Variants in DNAH1 observed in about 807,000 individuals in gnomAD.
The protein encoded by DNAH1 is axonemal beta dynein heavy chain 1.
In DNAH1, 327 loss-of-function variants were observed where a neutral mutation model predicts 484.3. The observed-to-expected ratio is 0.68, with a 90% CI of 0.62 to 0.74. DNAH1 has a LOEUF of 0.74. Ranked by LOEUF, DNAH1 falls within the 30% of genes least tolerant of loss-of-function variation. DNAH1 has a pLI of 0.00. For missense variants in DNAH1, 5,052 were observed against 5,546.8 expected, an observed-to-expected ratio of 0.91 and a Z score of 2.83; for synonymous variants, 2,192 against 2,191.9, an observed-to-expected ratio of 1.00 and a Z score of 0.00.
At chr3:52,335,265 C>T (rs1701700323) in intron 8 of DNAH1, among the ~76,000 whole-genome samples, 2 of 143,070 alleles carry the variant, frequency 1.4e-5, no homozygotes, top group South Asian at 4.5e-4. Context: ...CCATGTTCGC[C>T]AGGATGGTCT....
Position 52,354,849 on chromosome 3 carries a change from G to A in DNAH1, c.3487G>A (p.Asp1163Asn), listed in dbSNP as rs1702541634. 6.2e-7 allele frequency: 1 copy of A among 1,613,486 alleles called. No homozygotes were observed. The highest frequency in any genetic ancestry group is 2.2e-5 in the East Asian group (1 of 44,866). Residue 1163 changes from aspartate (D) to asparagine (N), a missense_variant, in exon 21 of 78, where the codon GAC (aspartate) becomes AAC (asparagine). Physicochemically the swap from Asp to Asn is conservative, Grantham distance 23. Transcript: ENST00000420323. ...GKEYAIEQAL[D>N]KMEKEWSTIL... ...GGCTTGTCCCCGACCCCAGGCACTGGACAAGATGGAGAAGGAGTGGTCGAC... is the reference window on the plus strand; with the variant it reads ...GGCTTGTCCCCGACCCCAGGCACTGAACAAGATGGAGAAGGAGTGGTCGAC...
Position 52,381,895 on chromosome 3 carries a change from CT to C in DNAH1, c.7805+60del, listed in dbSNP as rs575956044. 2.1e-4 allele frequency: 312 copies of C among 1,508,742 alleles called. 4 individuals are homozygous for C. The South Asian group carries it at 3.7e-3, about 18-fold the overall frequency. 93.5% of individuals were successfully genotyped at this position (1,508,742 alleles called of 1,614,324 possible). A position where few individuals can be genotyped will look rare whatever the true frequency, so the allele number is the denominator to read the frequency against. The stretch of plus-strand genomic sequence containing the variant: ...GGCCAGGGCTGGCTGGTCGGTTTGA[CT>C]GACCCATGCTTTTGCACAGTGGTAG... On this transcript the variant is annotated intron_variant, in intron 49 of 77. Coordinates refer to ENST00000420323, the MANE Select transcript of DNAH1 (RefSeq NM_015512.5). The surrounding 1 kb of genome is among the most constrained non-coding windows in gnomAD (Gnocchi z 4.1).
intron 63 of DNAH1, 26 bp downstream of exon 63, chr3:52,391,629 C>T (rs2153225579): frequency 6.2e-7 from 1 of 1,612,906 alleles, no homozygotes. Context: ...TGGGGACGCC[C>T]AAGCATCAGC....
At chr3:52,352,170 G>A (rs550538552) in intron 17 of DNAH1, 67 bp downstream of exon 17, 2 of 1,528,774 alleles carry the variant, frequency 1.3e-6, no homozygotes, top group Non-Finnish European at 1.8e-6. Context: ...GTTCTCCAGG[G>A]CCTGGCCTCA....
intron 44 of DNAH1, 59 bp from the exon 45 acceptor site, chr3:52,375,181 A>G: frequency 6.6e-7 from 1 of 1,524,706 alleles, no homozygotes; most frequent in East Asian, 2.4e-5. Context: ...AGAAGGGGCC[A>G]CAAAGGTCAT....
intron 54 of DNAH1, 60 bp downstream of exon 54, chr3:52,385,507 C>T: frequency 7.0e-7 from 1 of 1,418,798 alleles, no homozygotes; most frequent in African/African-American, 1.4e-5. Context: ...GGCACCCCCA[C>T]ACAGGCGCAG....
chr3:52,382,493 C>A, intron 50 of DNAH1, 38 bp downstream of exon 50: 1 of 1,609,300 alleles, frequency 6.2e-7, no homozygotes, highest in East Asian at 2.2e-5. Flanking sequence ...CTCGGGGGGG[C>A]TGGACACAAC....
Position 52,396,891 on chromosome 3 carries a change from GATCA to G in DNAH1, c.11637_11640del (p.Asn3880ThrfsTer15), listed in dbSNP as rs765535916. The G allele has an allele frequency of 6.2e-7, 1 of 1,613,370 alleles. No homozygotes were observed. Among genetic ancestry groups the G allele is most frequent in the Non-Finnish European group, 8.5e-7 (1 of 1,179,828 alleles). On this transcript the variant is annotated frameshift_variant, in exon 73 of 78. Coordinates refer to ENST00000420323, the MANE Select transcript of DNAH1 (RefSeq NM_015512.5). LOFTEE classifies it high-confidence loss of function. ...AGGTCCTCAAGTACACGGCAGGGGA[GATCA>G]ATTACGGGGGCCGTGTCACTGATGA... is the stretch of plus-strand genomic sequence containing the variant.
intron 9 of DNAH1, 54 bp downstream of exon 9, chr3:52,344,701 C>G: frequency 6.4e-7 from 1 of 1,554,398 alleles, no homozygotes; most frequent in Non-Finnish European, 8.7e-7. Flanking sequence ...GGCCAGAGCC[C>G]CCTCCCACCT....
chr3:52,322,862 A>T, intron 2 of DNAH1, 87 bp downstream of exon 2: 4 of 1,174,246 alleles, frequency 3.4e-6, no homozygotes, highest in Non-Finnish European at 4.9e-6. Context: ...CCCATCAGTC[A>T]GTCCATCTGT....
chr3:52,340,656 A>G (rs931702066), intron 8 of DNAH1, among the ~76,000 whole-genome samples: 4 of 151,816 alleles, frequency 2.6e-5, no homozygotes, highest in African/African-American at 9.7e-5. Flanking sequence ...GCTGGTCTTG[A>G]ACTCCTGACC....
Position 52,384,965 on chromosome 3 carries a change from C to T in DNAH1, c.8502C>T (p.Ser2834=), listed in dbSNP as rs757184246. The T allele has an allele frequency of 2.8e-5, 45 of 1,612,486 alleles. No individual in the cohort carries two copies. The highest frequency in any genetic ancestry group is 4.5e-5 in the East Asian group (2 of 44,872). ...AAACTGCCAAGAACCGCATGAAGAG[C>T]GGCCTCGACAAGGTGGGCCCAGGCG... ...ELKTAKNRMK[S]GLDKLLRTSE... The change falls in exon 53 of 78, where the codon AGC becomes AGT. Residue 2834 remains serine, a synonymous_variant. Coordinates refer to ENST00000420323, the MANE Select transcript of DNAH1 (RefSeq NM_015512.5).
chr3:52,369,744 C>T (rs1703243028), intron 37 of DNAH1, 81 bp from the exon 38 acceptor site: 3 of 1,456,710 alleles, frequency 2.1e-6, no homozygotes, highest in East Asian at 2.3e-5. Context: ...GATGTGCAGC[C>T]CCTCCCCGCA....
chr3:52,383,276 C>G, intron 50 of DNAH1, 110 bp from the exon 51 acceptor site: 3 of 989,254 alleles, frequency 3.0e-6, no homozygotes, highest in Non-Finnish European at 4.6e-6. Flanking sequence ...CTTCTCTGAG[C>G]CTTAGTGGTA....
At position 52,380,003 on chromosome 3, in the gene DNAH1, C is replaced by T. The variant is rs1347854226; in HGVS notation, c.7476C>T (p.Leu2492=). The T allele has an allele frequency of 3.8e-6, 6 of 1,592,584 alleles. No individual in the cohort carries two copies. Among genetic ancestry groups the T allele is most frequent in the Non-Finnish European group, 2.6e-6 (3 of 1,169,736 alleles). ...AGGACCGCAGCTGGTTCGACCAGCT[C>T]CTCAAGCGCTGCATGGAGCAGTGGG... ...NEEDRSWFDQ[L]LKRCMEQWEV... Residue 2492 remains leucine, a synonymous_variant, in exon 48 of 78, where the codon CTC becomes CTT. Coordinates refer to ENST00000420323, the MANE Select transcript of DNAH1 (RefSeq NM_015512.5).
rs753062357 is a variant in DNAH1 at position 52,388,201 on chromosome 3, A to C, written c.9038A>C (p.Gln3013Pro). 2.5e-6 allele frequency: 4 copies of C among 1,610,076 alleles called. No homozygotes were observed. The South Asian group carries it at 4.4e-5, about 18-fold the overall frequency. ...NIGDVVIKAIQPYIDNEEFQP... is the reference protein window; with the variant it reads ...NIGDVVIKAIPPYIDNEEFQP... ...GGGGATGTGGTGATCAAAGCCATCC[A>C]GCCGTACATCGATAATGAAGAGTTC... is the stretch of plus-strand genomic sequence containing the variant. The change falls in exon 57 of 78, where the codon CAG becomes CCG. Residue 3013 changes from glutamine (Q) to proline (P), a missense_variant. Around this residue, in one of 4 missense-constraint regions of DNAH1, gnomAD observed 2,929 missense variants for 3,409.4 expected, o/e 0.86. Transcript: ENST00000420323.
Position 52,322,540 on chromosome 3 carries a change from G to T in DNAH1, c.98G>T (p.Gly33Val). 1.2e-6 allele frequency: 2 copies of T among 1,613,844 alleles called. No individual in the cohort carries two copies. The highest frequency in any genetic ancestry group is 1.7e-6 in the Non-Finnish European group (2 of 1,179,830). ...GCAGTCCAAGTGGGGACCCACAGGG[G>T]CCTAGAGTATAACCCGGGGAAGATT... ...APAVQVGTHR[G>V]LEYNPGKILP... is the part of the protein sequence containing the mutation. Residue 33 changes from glycine to valine, a missense_variant, in exon 2 of 78, where the codon GGC becomes GTC. By Grantham distance (109) the Gly-to-Val change is moderately radical. Around this residue, in one of 4 missense-constraint regions of DNAH1, gnomAD observed 1,263 missense variants for 1,218.8 expected, o/e 1.04. Transcript: ENST00000420323.
chr3:52,342,889 G>A (rs1401157614), intron 8 of DNAH1, among the ~76,000 whole-genome samples: 2 of 152,240 alleles, frequency 1.3e-5, no homozygotes, highest in Non-Finnish European at 2.9e-5. Flanking sequence ...AGATAGGTGT[G>A]AGGGTTCTGG....
Position 52,354,921 on chromosome 3 carries a change from C to G in DNAH1, c.3559C>G (p.Leu1187Val). 1 of 1,614,036 alleles carries G rather than the reference C, an allele frequency of 6.2e-7. No individual in the cohort carries two copies. The highest frequency in any genetic ancestry group is 8.5e-7 in the Non-Finnish European group (1 of 1,179,896). ...CTACAAGGCGACAGACACCTACATC[C>G]TGAAGAGCCCGGACGAGGCCTCACA... ...LPYKATDTYI[L>V]KSPDEASQLL... Residue 1187 changes from leucine (L) to valine (V), a missense_variant, in exon 21 of 78, where the codon CTG becomes GTG. By Grantham distance (32) the Leu-to-Val change is conservative (BLOSUM62 1). Coordinates refer to ENST00000420323, the MANE Select transcript of DNAH1 (RefSeq NM_015512.5).
Sources: allele counts gnomAD v4.1 joint callset (sites outside exome capture counted in the v4.1 genomes callset), GRCh38; gene constraint gnomAD v4.1.1; regional missense constraint gnomAD v4.1.1; non-coding constraint Gnocchi (gnomAD v3.1); transcripts MANE v1.5; gene names NCBI Gene and HGNC (gene_info 2026-07-23, HGNC 2026-07-21).